NUP210: variants seen among roughly 807,000 people sequenced by gnomAD.
NUP210 encodes nucleoporin 210.
Under a neutral mutation model 196.0 loss-of-function variants are expected in NUP210, and 151 were observed. That is an observed-to-expected ratio of 0.77 (90% CI 0.67 to 0.88). The LOEUF is 0.88. Among genes scored for constraint, NUP210 ranks in the 40% least tolerant of loss-of-function variants. NUP210 has a pLI of 0.00. For synonymous variants in NUP210, 1,070 were observed against 1,052.7 expected, an observed-to-expected ratio of 1.02 and a Z score of -0.32; for missense variants, 2,314 against 2,493.7, an observed-to-expected ratio of 0.93 and a Z score of 1.53.
intron 16 of NUP210, among the ~76,000 whole-genome samples, chr3:13,354,936 G>A (rs1317095552): frequency 6.6e-6 from 1 of 152,192 alleles, no homozygotes; most frequent in Non-Finnish European, 1.5e-5. Context: ...CCTCTTTCCT[G>A]TGGGCTATCC....
At position 13,330,472 on chromosome 3, in the gene NUP210, A is replaced by G. The variant is rs1696949853; in HGVS notation, c.4098T>C (p.Ile1366=). 1.4e-5 allele frequency: 23 copies of G among 1,613,966 alleles called. No homozygotes were observed. Among genetic ancestry groups the G allele is most frequent in the Non-Finnish European group, 1.8e-5 (21 of 1,179,964 alleles). The change falls in exon 30 of 40, where the codon ATT becomes ATC. Residue 1366 remains isoleucine, a synonymous_variant. Transcript: ENST00000254508. ...AATGCAACCCTACCTTTACAGCAAC[A>G]ATGATGGTTTGGTTGGCCCCAAAGG... ...QEPFGANQTI[I]VAVKVSPVSY...
At chr3:13,358,493 T>C in intron 15 of NUP210, 98 bp from the exon 16 acceptor site, 1 of 1,239,650 alleles carries the variant, frequency 8.1e-7, no homozygotes, top group Non-Finnish European at 1.1e-6. Context: ...GACTCAGTTT[T>C]CTCCTCTATA....
In NUP210 at chr3:13,388,227, T is replaced by C. The variant is rs1196663547; in HGVS notation, c.684+76A>G. The C allele has an allele frequency of 8.8e-6, 10 of 1,139,228 alleles. 1 individual carries two copies. In the South Asian group the frequency reaches 1.2e-4, roughly 14 times the overall value. 70.6% of individuals were successfully genotyped at this position (1,139,228 alleles called of 1,614,324 possible). ...CTATTCAACGTGCCTATAGGTGTGA[T>C]GGTACCTATAAGCAGGTACCGTCAG... On this transcript the variant is annotated intron_variant, in intron 5 of 39. Transcript: ENST00000254508.
Position 13,371,918 on chromosome 3 carries a change from T to G in NUP210, c.1702A>C (p.Ser568Arg). 6.2e-7 allele frequency: 1 copy of G among 1,609,178 alleles called. No individual in the cohort carries two copies. Among genetic ancestry groups the G allele is most frequent in the Non-Finnish European group, 8.5e-7 (1 of 1,178,050 alleles). Reference sequence around the variant, plus strand: ...CAGTCGCTCAAGGTGACCACCTCACTGGCCCCGCCGGGCATGAGGCCACTG... The same window carrying G: ...CAGTCGCTCAAGGTGACCACCTCACGGGCCCCGCCGGGCATGAGGCCACTG... ...RISGLMPGGASEVVTLSDCSH... is the reference protein window; with the variant it reads ...RISGLMPGGAREVVTLSDCSH... Residue 568 changes from serine to arginine, a missense_variant, in exon 13 of 40, where the codon AGT becomes CGT. Transcript: ENST00000254508.
intron 3 of NUP210, among the ~76,000 whole-genome samples, chr3:13,391,795 T>C (rs1699500999): frequency 1.3e-5 from 2 of 151,530 alleles, no homozygotes; most frequent in Admixed American, 1.3e-4. Context: ...CTCTTGTCTC[T>C]TCACCTTGAC....
intron 2 of NUP210, among the ~76,000 whole-genome samples, chr3:13,398,981 T>A (rs1428705690): frequency 1.3e-5 from 2 of 152,028 alleles, no homozygotes; most frequent in Non-Finnish European, 2.9e-5. Context: ...TAAAAATCAC[T>A]GTATGGGCCA....
chr3:13,406,940 C>T (rs1446421686), intron 1 of NUP210, among the ~76,000 whole-genome samples: 4 of 151,640 alleles, frequency 2.6e-5, no homozygotes, highest in African/African-American at 7.3e-5. Context: ...AAGTAGCCCT[C>T]GGGGATGGGG....
chr3:13,405,196 G>C (rs917320413), intron 1 of NUP210, among the ~76,000 whole-genome samples: 2 of 152,216 alleles, frequency 1.3e-5, no homozygotes, highest in Non-Finnish European at 2.9e-5. Flanking sequence ...GGGTAAAGTA[G>C]ATGCCACCTA....
rs1276304828 is a variant in NUP210, at chr3:13,317,523, A to C, written c.*158T>G. ...TAAAATGAGCTAATGGGCAGAGCCG[A>C]AACTACAGCTCTGTGTGAAGAGACG... On this transcript the variant is annotated 3_prime_UTR_variant, in exon 40 of 40. Transcript: ENST00000254508. The C allele has an allele frequency of 3.2e-6, 2 of 623,946 alleles. No homozygotes were observed. The highest frequency in any genetic ancestry group is 2.7e-5 in the Admixed American group (1 of 36,870). 38.7% of individuals were successfully genotyped at this position (623,946 alleles called of 1,614,324 possible).
chr3:13,317,970 C>T (rs1279013994), intron 39 of NUP210, among the ~76,000 whole-genome samples, 189 bp from the exon 40 acceptor site: 1 of 152,120 alleles, frequency 6.6e-6, no homozygotes, highest in Non-Finnish European at 1.5e-5. Context: ...CACAGAGAGG[C>T]CTGGGATGCC....
chr3:13,375,882 T>C (rs1444841147), intron 10 of NUP210, among the ~76,000 whole-genome samples: 1 of 117,744 alleles, frequency 8.5e-6, no homozygotes, highest in Non-Finnish European at 2.0e-5. Flanking sequence ...AGGATGGATG[T>C]GGTGTCCCCC....
rs759554773 is a variant in NUP210 at position 13,391,340 on chromosome 3, T to C, written c.437-33A>G. 6.9e-6 allele frequency: 10 copies of C among 1,448,046 alleles called. No homozygotes were observed. In the East Asian group the frequency reaches 9.7e-5, roughly 14 times the overall value. The allele number at this position is 1,448,046 out of a possible 1,614,324, so 89.7% of individuals were successfully genotyped here. On this transcript the variant is annotated intron_variant, in intron 3 of 39. Transcript: ENST00000254508. ...AGCAGATGGGAGAGGCAGACAGATA[T>C]GGAGTTAATTTCCCAGGGTGGAGGG... is the stretch of plus-strand genomic sequence containing the variant.
Position 13,375,642 on chromosome 3 carries a change from C to T in NUP210, c.1294-1G>A. 1 of 1,613,150 alleles carries T rather than the reference C, an allele frequency of 6.2e-7. No individual in the cohort carries two copies. The highest frequency in any genetic ancestry group is 8.5e-7 in the Non-Finnish European group (1 of 1,179,638). On this transcript the variant is annotated splice_acceptor_variant, in intron 10 of 39. Coordinates refer to ENST00000254508, the MANE Select transcript of NUP210 (RefSeq NM_024923.4). LOFTEE classifies it high-confidence loss of function. ...CCTGTAGTATGTGGACCCCTCCATCCTACAAGGGGTGAGGGTGCCACACGT... is the reference window on the plus strand; with the variant it reads ...CCTGTAGTATGTGGACCCCTCCATCTTACAAGGGGTGAGGGTGCCACACGT...
At chr3:13,404,692 G>A (rs1163039500) in intron 1 of NUP210, among the ~76,000 whole-genome samples, 1 of 152,148 alleles carries the variant, frequency 6.6e-6, no homozygotes, top group African/African-American at 2.4e-5. Context: ...ACGCAGAAGC[G>A]CCCTCCCTCC....
chr3:13,386,650 G>A lies in NUP210; in HGVS notation c.685-243C>T, dbSNP rs981191214. ...AGCCCTCACACTGACTGCCCATTGTGCATGGTTTATCTCTATGTGAAACCA... is the reference window on the plus strand; with the variant it reads ...AGCCCTCACACTGACTGCCCATTGTACATGGTTTATCTCTATGTGAAACCA... On this transcript the variant is annotated intron_variant, in intron 5 of 39. Transcript: ENST00000254508. Among the ~76,000 whole-genome samples the A allele has an allele frequency of 5.3e-5, 8 of 152,144 alleles. 1 individual carries two copies. In the South Asian group the frequency reaches 1.2e-3, roughly 24 times the overall value.
chr3:13,405,397 C>T (rs1158333922), intron 1 of NUP210, among the ~76,000 whole-genome samples: 1 of 152,168 alleles, frequency 6.6e-6, no homozygotes, highest in African/African-American at 2.4e-5. Context: ...AAACCATCAG[C>T]TCTCCTGAGA....
In NUP210 at chr3:13,325,857, G is replaced by A. The variant is rs113734634; in HGVS notation, c.4582C>T (p.Arg1528Trp). The change falls in exon 33 of 40, where the codon CGG becomes TGG. Residue 1528 changes from arginine to tryptophan, a missense_variant. Arg to Trp is a moderately radical substitution (Grantham distance 101). Transcript: ENST00000254508. ...TAAACCGTCACGGATCCCACGGCCC[G>A]GGCCACAGCCACACCCGTCTTGGGG... Reference protein sequence around the residue: ...IDPKTGVAVARAVGSVTVYYE... With the variant: ...IDPKTGVAVAWAVGSVTVYYE... The A allele has an allele frequency of 8.9e-3, 14,402 of 1,613,970 alleles. 88 individuals are homozygous for A. The highest frequency in any genetic ancestry group is 0.031 in the Admixed American group (1,876 of 60,030).
intron 34 of NUP210, 149 bp from the exon 35 acceptor site, chr3:13,322,488 G>T: frequency 1.3e-6 from 1 of 776,884 alleles, no homozygotes; most frequent in Non-Finnish European, 2.1e-6. Flanking sequence ...AAAGCTTTGA[G>T]ATGCAGCCAG....
intron 1 of NUP210, among the ~76,000 whole-genome samples, chr3:13,419,208 G>A (rs889453927): frequency 6.6e-6 from 1 of 152,228 alleles, no homozygotes; most frequent in Non-Finnish European, 1.5e-5. Flanking sequence ...GGTGGGAAGG[G>A]CGGAAGCCCA....
Sources: allele counts gnomAD v4.1 joint callset (sites outside exome capture counted in the v4.1 genomes callset), GRCh38; gene constraint gnomAD v4.1.1; transcripts MANE v1.5; gene names NCBI Gene and HGNC (gene_info 2026-07-23, HGNC 2026-07-21).